Variants in METTL24 observed in about 807,000 individuals in gnomAD.
METTL24 encodes methyltransferase like 24.
Under a neutral mutation model 32.7 loss-of-function variants are expected in METTL24, and 29 were observed. The observed-to-expected ratio is 0.89, with a 90% confidence interval of 0.66 to 1.21. METTL24 has a LOEUF of 1.21. Ranked by LOEUF, METTL24 falls within the 50% of genes most tolerant of loss-of-function variation. METTL24 has a pLI of 0.00. For synonymous variants in METTL24, 163 were observed against 179.5 expected (o/e 0.91, Z 0.73); for missense variants, 439 against 468.1 (o/e 0.94, Z 0.57).
chr6:110,325,458 A>T (rs1772001328), intron 1 of METTL24, among the ~76,000 whole-genome samples: 1 of 152,342 alleles, frequency 6.6e-6, no homozygotes, highest in Non-Finnish European at 1.5e-5. Context: ...TTGGGCCTGC[A>T]AGCTGTAGTT....
Position 110,246,159 on chromosome 6 carries a change from C to G in METTL24, c.888G>C (p.Glu296Asp), listed in dbSNP as rs1470855169. ...CAAACCCAGGCCAGTGGAGATGGAT[C>G]TCAAAGATGAGCTGTCCAATCTGCT... ...VLEQIGQLIF[E>D]IHLHWPGFEV... Residue 296 changes from glutamate to aspartate, a missense_variant, in exon 5 of 5, where the codon GAG becomes GAC. By Grantham distance (45) the Glu-to-Asp change is conservative. Coordinates refer to ENST00000338882, the MANE Select transcript of METTL24 (RefSeq NM_001123364.3). The G allele has an allele frequency of 3.1e-6, 5 of 1,614,162 alleles. No individual in the cohort carries two copies. The highest frequency in any genetic ancestry group is 2.2e-5 in the East Asian group (1 of 44,882).
At chr6:110,325,167 G>T (rs1771996102) in intron 1 of METTL24, among the ~76,000 whole-genome samples, 1 of 152,152 alleles carries the variant, frequency 6.6e-6, no homozygotes, top group Non-Finnish European at 1.5e-5. Flanking sequence ...CCACTTCACT[G>T]TCATGGACCA....
chr6:110,319,324 G>A (rs1771886760), intron 2 of METTL24, among the ~76,000 whole-genome samples: 1 of 151,790 alleles, frequency 6.6e-6, no homozygotes, highest in Non-Finnish European at 1.5e-5. Flanking sequence ...TACTATTGTT[G>A]TAAAGTTATA....
intron 1 of METTL24, among the ~76,000 whole-genome samples, chr6:110,351,770 C>G (rs1001399838): frequency 1.3e-5 from 2 of 152,146 alleles, no homozygotes; most frequent in Non-Finnish European, 2.9e-5. Flanking sequence ...GTCAAAGAGA[C>G]CAAGCCCTGG....
At chr6:110,321,130 G>A (rs1270781500) in intron 2 of METTL24, among the ~76,000 whole-genome samples, 4 of 152,078 alleles carry the variant, frequency 2.6e-5, no homozygotes, top group African/African-American at 7.2e-5. Context: ...CCAGCTACTC[G>A]GGAGGCTGAG....
intron 1 of METTL24, among the ~76,000 whole-genome samples, chr6:110,353,708 A>T (rs1301274181): frequency 6.6e-6 from 1 of 152,138 alleles, no homozygotes; most frequent in Non-Finnish European, 1.5e-5. Context: ...GATAAGAGAG[A>T]TGAAACTTTT....
In METTL24 at chr6:110,245,806, T is replaced by C. The variant is rs1410101582; in HGVS notation, c.*140A>G. On this transcript the variant is annotated 3_prime_UTR_variant, in exon 5 of 5. Coordinates refer to ENST00000338882, the MANE Select transcript of METTL24 (RefSeq NM_001123364.3). ...CCCCATCACATGCCAAGCACTAGGC[T>C]GCATGCCCGCAATAACACACTCCCT... 2.6e-6 allele frequency: 2 copies of C among 779,720 alleles called. No homozygotes were observed. Among genetic ancestry groups the C allele is most frequent in the Non-Finnish European group, 2.1e-6 (1 of 479,502 alleles). 48.3% of individuals were successfully genotyped at this position (779,720 alleles called of 1,614,324 possible).
intron 1 of METTL24, among the ~76,000 whole-genome samples, chr6:110,351,961 AATT>A (rs1772612088): frequency 6.6e-6 from 1 of 152,264 alleles, no homozygotes; most frequent in Admixed American, 6.5e-5. Context: ...AAAAAAATTT[AATT>A]GTTAATTATT....
At chr6:110,317,717 T>A (rs148694986) in intron 2 of METTL24, among the ~76,000 whole-genome samples, 152 of 152,232 alleles carry the variant, frequency 1.0e-3, no homozygotes, top group African/African-American at 3.5e-3. Context: ...AGGACCTTGC[T>A]CATCATTCCC....
At chr6:110,270,575 G>C (rs1770938500) in intron 4 of METTL24, among the ~76,000 whole-genome samples, 5 of 152,094 alleles carry the variant, frequency 3.3e-5, no homozygotes, top group Non-Finnish European at 7.4e-5. Flanking sequence ...AGAGAGCTCT[G>C]AATTTAGTTA....
At chr6:110,247,799 A>T (rs900810931) in intron 4 of METTL24, among the ~76,000 whole-genome samples, 2 of 152,168 alleles carry the variant, frequency 1.3e-5, no homozygotes, top group Non-Finnish European at 1.5e-5. Context: ...TTCTCATTGC[A>T]TGTCTGTTTG....
intron 4 of METTL24, among the ~76,000 whole-genome samples, chr6:110,290,127 G>C (rs1203999767): frequency 5.3e-5 from 8 of 149,858 alleles, no homozygotes. Context: ...TGTTGTCCAG[G>C]CTGGTCTCAA....
At chr6:110,302,628 C>CATATACACACACATATGTGTATAT (rs1771551595) in intron 3 of METTL24, among the ~76,000 whole-genome samples, 1 of 128,968 alleles carries the variant, frequency 7.8e-6, no homozygotes, top group Non-Finnish European at 1.5e-5. Context: ...TATATATACA[C>CATATACACACACATATGTGTATAT]ATATACACAC....
chr6:110,265,593 T>C (rs1770842388), intron 4 of METTL24, among the ~76,000 whole-genome samples: 1 of 152,118 alleles, frequency 6.6e-6, no homozygotes, highest in South Asian at 2.1e-4. Context: ...TTCTAGAAAG[T>C]TTCCTTAAAG....
intron 3 of METTL24, among the ~76,000 whole-genome samples, chr6:110,302,882 A>G (rs1294843396): frequency 6.6e-6 from 1 of 152,166 alleles, no homozygotes; most frequent in Non-Finnish European, 1.5e-5. Flanking sequence ...GATATGGCTG[A>G]ATAGAAAGAG....
intron 1 of METTL24, among the ~76,000 whole-genome samples, chr6:110,338,413 A>T (rs1582437293): frequency 6.6e-6 from 1 of 152,284 alleles, no homozygotes; most frequent in East Asian, 1.9e-4. Context: ...CAGGAGAATC[A>T]CTTGAGTCTG....
intron 4 of METTL24, among the ~76,000 whole-genome samples, chr6:110,263,205 G>T (rs1158023120): frequency 6.6e-6 from 1 of 152,148 alleles, no homozygotes; most frequent in Non-Finnish European, 1.5e-5. Flanking sequence ...TGACATGATT[G>T]TATATCTAGA....
At chr6:110,308,529 G>C (rs191342659) in intron 3 of METTL24, among the ~76,000 whole-genome samples, 19 of 152,266 alleles carry the variant, frequency 1.2e-4, no homozygotes, top group Admixed American at 1.2e-3. Flanking sequence ...AGTAAGTGTA[G>C]GCAAGGATAT....
chr6:110,302,169 T>A (rs1277541613), intron 3 of METTL24, among the ~76,000 whole-genome samples: 6 of 151,520 alleles, frequency 4.0e-5, no homozygotes, highest in Non-Finnish European at 1.5e-5. Flanking sequence ...TCCTAGCTAC[T>A]CGGGAAGCTG....
Sources: gnomAD v4.1 joint callset for allele counts (sites outside exome capture counted in the v4.1 genomes callset) on GRCh38, gnomAD v4.1.1 for gene constraint, MANE v1.5 for transcripts, NCBI Gene and HGNC (gene_info 2026-07-23, HGNC 2026-07-21) for gene names.